Variants in AKAP13 observed in about 807,000 individuals in gnomAD.
AKAP13 encodes A-kinase anchoring protein 13.
A neutral mutation model predicts 264.5 loss-of-function variants in AKAP13; 80 were observed. The observed-to-expected ratio is 0.30, with a 90% CI of 0.25 to 0.36. The LOEUF (loss-of-function observed/expected upper bound fraction) is 0.36, where lower values mean the gene tolerates loss of function less well. Among genes scored for constraint, AKAP13 ranks in the 10% least tolerant of loss-of-function variants. The probability of loss-of-function intolerance (pLI) is 1.00; values close to 1 mark genes in which losing one functional copy is unlikely to be tolerated. For missense variants in AKAP13, 3,712 were observed against 3,435.2 expected (o/e 1.08, Z -2.01); for synonymous variants, 1,380 against 1,250.2 (o/e 1.10, Z -2.19).
chr15:85,707,404 G>A (rs754511114), intron 17 of AKAP13, among the ~76,000 whole-genome samples: 1 of 152,204 alleles, frequency 6.6e-6, no homozygotes, highest in Non-Finnish European at 1.5e-5. Context: ...ACAGTTCCCA[G>A]AGGTGCATGT....
chr15:85,720,054 A>C (rs1025883785), intron 23 of AKAP13, among the ~76,000 whole-genome samples: 1 of 152,096 alleles, frequency 6.6e-6, no homozygotes, highest in Non-Finnish European at 1.5e-5. Context: ...CAACGTACCA[A>C]GAGCTGTCTC....
At position 85,655,539 on chromosome 15, in the gene AKAP13, A is replaced by G; in HGVS notation, c.4497A>G (p.Pro1499=). The change falls in exon 11 of 37, where the codon CCA becomes CCG. Residue 1499 remains proline (P), a synonymous_variant. Transcript: ENST00000394518. The stretch of plus-strand genomic sequence containing the variant: ...TGTCTCTCTCCCAGATTTTAAAGCC[A>G]AACAGGTCAAGAGATCGGCAAAGCC... The part of the protein sequence containing the change: ...SDVSLSQILK[P]NRSRDRQSLD... The G allele has an allele frequency of 6.2e-7, 1 of 1,614,212 alleles. No individual in the cohort carries two copies. Among genetic ancestry groups the G allele is most frequent in the Non-Finnish European group, 8.5e-7 (1 of 1,180,034 alleles).
At position 85,533,875 on chromosome 15, in the gene AKAP13, T is replaced by TGCA; in HGVS notation, c.474_476dup (p.Leu158_His159insGln). On this transcript the variant is annotated inframe_insertion, in exon 4 of 37. Transcript: ENST00000394518. The stretch of plus-strand genomic sequence containing the variant: ...AATGTATTGGGGACAGATCAGAGTT[T>TGCA]GCATGGTGAGAATTTATATGATCTA... 1.3e-6 allele frequency: 2 copies of TGCA among 1,570,546 alleles called. No homozygotes were observed. The highest frequency in any genetic ancestry group is 1.7e-6 in the Non-Finnish European group (2 of 1,159,458).
At chr15:85,482,287 G>C (rs1457271734) in intron 1 of AKAP13, among the ~76,000 whole-genome samples, 1 of 152,076 alleles carries the variant, frequency 6.6e-6, no homozygotes, top group African/African-American at 2.4e-5. Flanking sequence ...GTTTTAAAGG[G>C]CATCTCCCTC....
chr15:85,736,433 G>T (rs1038463550), intron 33 of AKAP13, among the ~76,000 whole-genome samples: 14 of 148,844 alleles, frequency 9.4e-5, no homozygotes, highest in Admixed American at 4.6e-4. Flanking sequence ...TTGTTTGTTT[G>T]TTTGTTTGTT....
intron 8 of AKAP13, among the ~76,000 whole-genome samples, chr15:85,615,259 C>T (rs2080882591): frequency 6.6e-6 from 1 of 152,216 alleles, no homozygotes; most frequent in Non-Finnish European, 1.5e-5. Flanking sequence ...CTGTTGGCTA[C>T]TGCTTGCTAC....
chr15:85,389,910 T>C (rs770176313), intron 1 of AKAP13: 1 of 152,262 alleles, frequency 6.6e-6, no homozygotes, highest in African/African-American at 2.4e-5. Context: ...CATGTAGAAA[T>C]GCTTGCTTTT....
intron 1 of AKAP13, among the ~76,000 whole-genome samples, chr15:85,442,434 A>G (rs1353760673): frequency 1.5e-5 from 2 of 131,092 alleles, no homozygotes; most frequent in Non-Finnish European, 3.2e-5. Flanking sequence ...ATATATATAT[A>G]TATAATATAA....
intron 1 of AKAP13, among the ~76,000 whole-genome samples, chr15:85,411,949 T>C (rs2071991656): frequency 6.6e-6 from 1 of 152,230 alleles, no homozygotes; most frequent in African/African-American, 2.4e-5. Context: ...TTCGCCACCA[T>C]GAGCTTGACA....
At chr15:85,555,358 G>T in intron 5 of AKAP13, 1 of 1,143,662 alleles carries the variant, frequency 8.7e-7, no homozygotes, top group South Asian at 1.3e-5. Flanking sequence ...TTCCTTGTCA[G>T]AAGTAAACTT....
intron 5 of AKAP13, among the ~76,000 whole-genome samples, chr15:85,555,884 T>C (rs1296028701): frequency 1.3e-5 from 2 of 152,376 alleles, no homozygotes; most frequent in Admixed American, 6.5e-5. Context: ...AAATGGCTTC[T>C]AATTTGTGTT....
chr15:85,649,600 G>A (rs1201977254), intron 10 of AKAP13, among the ~76,000 whole-genome samples: 2 of 152,162 alleles, frequency 1.3e-5, no homozygotes, highest in Non-Finnish European at 2.9e-5. Context: ...GCCTCACAGA[G>A]GTCTTTAACA....
At position 85,706,082 on chromosome 15, in the gene AKAP13, C is replaced by T. The variant is rs2086234262; in HGVS notation, c.5465-1937C>T. ...TCTGTAGAAGGGAAAGAGAAATGGA[C>T]TTAAAGATGATGTATTTGAAAGACT... On this transcript the variant is annotated intron_variant, in intron 17 of 36. Coordinates refer to ENST00000394518, the MANE Select transcript of AKAP13 (RefSeq NM_007200.5). Among the ~76,000 whole-genome samples the T allele has an allele frequency of 2.0e-5, 3 of 152,062 alleles. No individual in the cohort carries two copies. In the East Asian group the frequency reaches 5.8e-4, roughly 29 times the overall value.
chr15:85,544,661 A>G (rs1315057875), intron 5 of AKAP13, among the ~76,000 whole-genome samples: 1 of 152,226 alleles, frequency 6.6e-6, no homozygotes, highest in Non-Finnish European at 1.5e-5. Context: ...TAAACACACT[A>G]GAGCAGCCAA....
intron 17 of AKAP13, among the ~76,000 whole-genome samples, chr15:85,703,851 A>AT (rs1376902995): frequency 1.2e-3 from 149 of 122,568 alleles, no homozygotes; most frequent in Admixed American, 1.8e-3. Context: ...TCAAAAAAAA[A>AT]AAATATATAT....
In AKAP13 at chr15:85,430,597, TC is replaced by T. The variant is rs554739375; in HGVS notation, c.-12+49801del. Among the ~76,000 whole-genome samples, 7 of 152,310 alleles carry T rather than the reference TC, an allele frequency of 4.6e-5. 1 individual carries two copies. The South Asian group carries it at 1.4e-3, about 32-fold the overall frequency. On this transcript the variant is annotated intron_variant, in intron 1 of 36. Transcript: ENST00000394518. ...TAAGCTGTCTTGAAGTTTTAGTCAT[TC>T]CTACTCTTGTGGTTGGAGTGATACT...
intron 1 of AKAP13, among the ~76,000 whole-genome samples, chr15:85,383,994 A>G (rs181067261): frequency 6.6e-6 from 1 of 152,368 alleles, no homozygotes; most frequent in Non-Finnish European, 1.5e-5. Context: ...GATTTAAATC[A>G]GTTATACTAG....
rs746198914 is a variant in AKAP13 at position 85,645,831 on chromosome 15, C to G, written c.4251C>G (p.Phe1417Leu). Residue 1417 changes from phenylalanine to leucine, a missense_variant, in exon 10 of 37, where the codon TTC (phenylalanine) becomes TTG (leucine). Coordinates refer to ENST00000394518, the MANE Select transcript of AKAP13 (RefSeq NM_007200.5). Reference sequence around the variant, plus strand: ...TCTCTTTTTCAGAATGTGAGAACTTCCTGGATGTTGGACTGGGCAGAGAGT... The same window carrying G: ...TCTCTTTTTCAGAATGTGAGAACTTGCTGGATGTTGGACTGGGCAGAGAGT... ...ASKQSPECEN[F>L]LDVGLGRECT... 3 of 1,588,144 alleles carry G rather than the reference C, an allele frequency of 1.9e-6. No homozygotes were observed. In the Admixed American group the frequency reaches 5.2e-5, roughly 28 times the overall value.
At chr15:85,587,468 T>C (rs1356939963) in intron 8 of AKAP13, among the ~76,000 whole-genome samples, 2 of 152,246 alleles carry the variant, frequency 1.3e-5, no homozygotes, top group African/African-American at 4.8e-5. Flanking sequence ...TTCCACTTTT[T>C]GGCTACTGTG....
Sources: gnomAD v4.1 joint callset for allele counts (sites outside exome capture counted in the v4.1 genomes callset) on GRCh38, gnomAD v4.1.1 for gene constraint, MANE v1.5 for transcripts, NCBI Gene and HGNC (gene_info 2026-07-23, HGNC 2026-07-21) for gene names.